Variants in IL1RAPL2 observed in about 807,000 individuals in gnomAD.
The protein encoded by IL1RAPL2 is interleukin 1 receptor accessory protein like 2, also known as X-linked interleukin-1 receptor accessory protein-like 2.
In IL1RAPL2, 3 loss-of-function variants were observed where a neutral mutation model predicts 44.1. That is an observed-to-expected ratio of 0.07 (90% confidence interval 0.03 to 0.18). The LOEUF (loss-of-function observed/expected upper bound fraction) is 0.18. IL1RAPL2 is among the 10% of genes least tolerant of loss of function. IL1RAPL2 has a pLI of 1.00. For synonymous variants in IL1RAPL2, 181 were observed against 178.8 expected (o/e 1.01, Z -0.10); for missense variants, 391 against 496.4 (o/e 0.79, Z 2.02).
intron 1 of IL1RAPL2, among the ~76,000 whole-genome samples, chrX:104,567,421 C>T (rs931769389): frequency 3.8e-4 from 43 of 112,692 alleles, no homozygotes; most frequent in African/African-American, 1.4e-3. Flanking sequence ...CACATTTCTG[C>T]CGCAGCTGGG....
intron 5 of IL1RAPL2, among the ~76,000 whole-genome samples, chrX:105,272,522 G>C (rs2034455477): frequency 8.9e-6 from 1 of 112,005 alleles, no homozygotes. Flanking sequence ...GATTATTGTA[G>C]ACAGCTCTAG....
chrX:105,257,866 T>C (rs767141215), intron 4 of IL1RAPL2, among the ~76,000 whole-genome samples: 1 of 111,752 alleles, frequency 8.9e-6, no homozygotes, highest in Non-Finnish European at 1.9e-5. Context: ...TACAATTGGG[T>C]CTTGCGTTTT....
intron 1 of IL1RAPL2, among the ~76,000 whole-genome samples, chrX:104,615,787 T>G (rs1929262675): frequency 8.9e-6 from 1 of 112,331 alleles, no homozygotes; most frequent in Non-Finnish European, 1.9e-5. Flanking sequence ...GTTCTAGATC[T>G]TTGAGAAATC....
chrX:104,733,319 C>T (rs1931956135), intron 2 of IL1RAPL2, among the ~76,000 whole-genome samples: 1 of 111,085 alleles, frequency 9.0e-6, no homozygotes, highest in Non-Finnish European at 1.9e-5. Context: ...GGACCGGGCG[C>T]AGTGGCACAC....
intron 2 of IL1RAPL2, among the ~76,000 whole-genome samples, chrX:104,752,131 A>G (rs1602710700): frequency 9.0e-6 from 1 of 110,656 alleles, no homozygotes; most frequent in African/African-American, 3.3e-5. Flanking sequence ...GAAAATTTCT[A>G]TGGGATGGGG....
chrX:104,884,879 A>G (rs929247773), intron 2 of IL1RAPL2, among the ~76,000 whole-genome samples: 1 of 111,022 alleles, frequency 9.0e-6, no homozygotes, highest in Non-Finnish European at 1.9e-5. Flanking sequence ...TCCCCTGCCC[A>G]GAAGGAAATA....
intron 2 of IL1RAPL2, among the ~76,000 whole-genome samples, chrX:104,998,653 G>C (rs1190931759): frequency 9.0e-6 from 1 of 110,852 alleles, no homozygotes; most frequent in African/African-American, 3.3e-5. Flanking sequence ...CACACCTATA[G>C]TCCCAGCTGC....
chrX:104,713,892 T>G (rs1461154749), intron 2 of IL1RAPL2, among the ~76,000 whole-genome samples: 6 of 110,894 alleles, frequency 5.4e-5, no homozygotes, highest in Non-Finnish European at 7.6e-5. Context: ...TGCCTAAATT[T>G]AAGGGGGCAG....
intron 4 of IL1RAPL2, among the ~76,000 whole-genome samples, chrX:105,265,757 G>T (rs955415162): frequency 1.8e-5 from 2 of 110,729 alleles, no homozygotes; most frequent in Non-Finnish European, 3.8e-5. Flanking sequence ...TGAAAAAAAT[G>T]GGTACTCGCT....
In IL1RAPL2 at chrX:105,670,133, ATATATATATATAT is replaced by A. The variant is rs1272153198; in HGVS notation, c.773-47233_773-47221del. On this transcript the variant is annotated intron_variant, in intron 6 of 10. Transcript: ENST00000372582. ...TATATATATATATATATATATATAT[ATATATATATATAT>A]ATCTCCACCAGACCACACAGTCTTG... Among the ~76,000 whole-genome samples the A allele has an allele frequency of 5.5e-4, 27 of 49,341 alleles. 3 individuals are homozygous for A. The highest frequency in any genetic ancestry group is 1.4e-3 in the Admixed American group (7 of 5,089). The allele number at this position is 49,341 out of a possible 115,157, so 42.8% of individuals were successfully genotyped here.
At chrX:105,060,023 G>A (rs747255889) in intron 2 of IL1RAPL2, among the ~76,000 whole-genome samples, 2 of 111,912 alleles carry the variant, frequency 1.8e-5, no homozygotes, top group East Asian at 2.8e-4. Context: ...TTGAGGAACT[G>A]CCAAACTCTT....
At chrX:104,753,126 C>A (rs1419331264) in intron 2 of IL1RAPL2, among the ~76,000 whole-genome samples, 1 of 96,413 alleles carries the variant, frequency 1.0e-5, no homozygotes, top group Non-Finnish European at 2.2e-5. Flanking sequence ...AAAAGGAGGC[C>A]CCACAATATC....
chrX:105,705,882 A>T (rs2038161867), intron 6 of IL1RAPL2, among the ~76,000 whole-genome samples: 1 of 111,838 alleles, frequency 8.9e-6, no homozygotes, highest in Admixed American at 9.5e-5. Flanking sequence ...AACAAAATAT[A>T]AAAGCTTAGA....
At position 104,705,101 on chromosome X, in the gene IL1RAPL2, A is replaced by C. The variant is rs1280837440; in HGVS notation, c.82+46106A>C. Among the ~76,000 whole-genome samples, 3 of 111,669 alleles carry C rather than the reference A, an allele frequency of 2.7e-5. No individual in the cohort carries two copies. The Admixed American group carries it at 2.9e-4, about 11-fold the overall frequency. On this transcript the variant is annotated intron_variant, in intron 2 of 10. Coordinates refer to ENST00000372582, the MANE Select transcript of IL1RAPL2 (RefSeq NM_017416.2). ...ACCTGGCAATAAAGGGAATAGAACTAACAATTACTGAATGCATACCATGAG... is the reference window on the plus strand; with the variant it reads ...ACCTGGCAATAAAGGGAATAGAACTCACAATTACTGAATGCATACCATGAG...
chrX:105,368,674 A>G lies in IL1RAPL2; in HGVS notation c.697+101133A>G, dbSNP rs1262026957. The stretch of plus-strand genomic sequence containing the variant: ...AGTGTTTTGGTGTGAGTTTCTTTGA[A>G]TTCATCCTATTATAGATGACTGTTA... On this transcript the variant is annotated intron_variant, in intron 5 of 10. Coordinates refer to ENST00000372582, the MANE Select transcript of IL1RAPL2 (RefSeq NM_017416.2). Among the ~76,000 whole-genome samples, 19 of 111,301 alleles carry G rather than the reference A, an allele frequency of 1.7e-4. 1 individual carries two copies. The Admixed American group carries it at 1.8e-3, about 11-fold the overall frequency.
intron 6 of IL1RAPL2, among the ~76,000 whole-genome samples, chrX:105,629,025 C>T (rs2037474339): frequency 8.9e-6 from 1 of 111,852 alleles, no homozygotes; most frequent in African/African-American, 3.3e-5. Flanking sequence ...CTGCATTGCT[C>T]TCAGTTTTCC....
intron 6 of IL1RAPL2, among the ~76,000 whole-genome samples, chrX:105,541,221 G>C (rs757526813): frequency 2.7e-5 from 3 of 110,344 alleles, no homozygotes; most frequent in Non-Finnish European, 5.7e-5. Context: ...AGAAAAAGCT[G>C]AAGTATTTAC....
chrX:105,672,490 A>C, intron 6 of IL1RAPL2, among the ~76,000 whole-genome samples: 1 of 112,329 alleles, frequency 8.9e-6, no homozygotes, highest in Non-Finnish European at 1.9e-5. Flanking sequence ...GGCAATTGTG[A>C]AAGGCCTCCT....
intron 3 of IL1RAPL2, among the ~76,000 whole-genome samples, chrX:105,207,643 G>C (rs962023202): frequency 2.7e-5 from 3 of 111,218 alleles, no homozygotes; most frequent in Non-Finnish European, 5.7e-5. Flanking sequence ...TTCCTTTCAA[G>C]AAGCTCTTTT....
Sources: gnomAD v4.1 joint callset for allele counts (sites outside exome capture counted in the v4.1 genomes callset) on GRCh38, gnomAD v4.1.1 for gene constraint, MANE v1.5 for transcripts, NCBI Gene and HGNC (gene_info 2026-07-23, HGNC 2026-07-21) for gene names.